The following PRH1 variants were observed in gnomAD, a reference collection of about 807,000 sequenced individuals.
The protein encoded by PRH1 is salivary acidic proline-rich phosphoprotein 1/2.
In PRH1, 7 loss-of-function variants were observed where a neutral mutation model predicts 7.9. That is an observed-to-expected ratio of 0.89 (90% confidence interval 0.50 to 1.67). The LOEUF is 1.67. PRH1 is among the 40% of genes most tolerant of loss of function. The probability of loss-of-function intolerance (pLI) is 0.00; values close to 1 mark genes in which losing one functional copy is unlikely to be tolerated. For missense variants in PRH1, 109 were observed against 223.6 expected (o/e 0.49, Z 3.27); for synonymous variants, 45 against 80.8 (o/e 0.56, Z 2.38).
intron 2 of PRH1, among the ~76,000 whole-genome samples, chr12:10,939,551 G>GTTTTTTTTTT (rs60186756): frequency 1.1e-4 from 13 of 123,312 alleles, no homozygotes; most frequent in African/African-American, 1.5e-4. Context: ...TGGTTTGTGT[G>GTTTTTTTTTT]TTTTTTTTTT....
At chr12:11,134,381 T>C in intron 1 of PRH1, 1 of 1,092,906 alleles carries the variant, frequency 9.1e-7, no homozygotes, top group Non-Finnish European at 1.3e-6. Flanking sequence ...TTTTAATTGC[T>C]GTGACCAGTG....
At chr12:11,037,337 C>T (rs569488401) in intron 1 of PRH1, among the ~76,000 whole-genome samples, 1 of 152,196 alleles carries the variant, frequency 6.6e-6, no homozygotes, top group Non-Finnish European at 1.5e-5. Flanking sequence ...CACAAACATA[C>T]TCAAAGATCA....
In PRH1 at chr12:10,884,242, C is replaced by T. The variant is rs1949455805; in HGVS notation, c.-25G>A. On this transcript the variant is annotated 5_prime_UTR_variant, in exon 1 of 4. Coordinates refer to ENST00000543626, the MANE Select transcript of PRH1 (RefSeq NM_001393989.1). Reference sequence around the variant, plus strand: ...TCTTGCAGGAGGCTCTGGTGTCACTCCCAACTTTGTGCTGGGAGAAACGTG... The same window carrying T: ...TCTTGCAGGAGGCTCTGGTGTCACTTCCAACTTTGTGCTGGGAGAAACGTG... The T allele has an allele frequency of 6.2e-7, 1 of 1,614,150 alleles. No homozygotes were observed. The highest frequency in any genetic ancestry group is 1.1e-5 in the South Asian group (1 of 91,082).
intron 2 of PRH1, among the ~76,000 whole-genome samples, chr12:10,963,166 A>C (rs189232173): frequency 6.6e-6 from 1 of 152,356 alleles, no homozygotes; most frequent in East Asian, 1.9e-4. Flanking sequence ...AGGTTTAGAT[A>C]ACATTGTTAA....
At chr12:11,021,510 T>G in intron 1 of PRH1, 1 of 410,370 alleles carries the variant, frequency 2.4e-6, no homozygotes, top group South Asian at 2.6e-5. Flanking sequence ...AATATATATA[T>G]GACTTTTCTA....
At chr12:10,996,826 T>A in intron 1 of PRH1, 1 of 877,906 alleles carries the variant, frequency 1.1e-6, no homozygotes, top group Non-Finnish European at 1.6e-6. Flanking sequence ...CTTTTCTATG[T>A]CAACTTTTGG....
chr12:11,088,106 CG>C (rs1944768005), intron 1 of PRH1, among the ~76,000 whole-genome samples: 1 of 132,048 alleles, frequency 7.6e-6, no homozygotes, highest in South Asian at 2.2e-4. Flanking sequence ...TTTAGGAGGC[CG>C]ACACGGGAAG....
At chr12:11,023,732 G>A (rs1591831247) in intron 1 of PRH1, among the ~76,000 whole-genome samples, 1 of 152,218 alleles carries the variant, frequency 6.6e-6, no homozygotes, top group East Asian at 1.9e-4. Context: ...AATGGAGTCA[G>A]AATGCCACTG....
chr12:11,062,151 G>T, intron 1 of PRH1: 1 of 1,613,634 alleles, frequency 6.2e-7, no homozygotes, highest in Middle Eastern at 1.7e-4. Context: ...CCAGAGCAGT[G>T]AGAATTTGGT....
intron 1 of PRH1, among the ~76,000 whole-genome samples, chr12:11,126,832 A>G (rs762147762): frequency 6.6e-6 from 1 of 152,242 alleles, no homozygotes; most frequent in Non-Finnish European, 1.5e-5. Context: ...CATTAAAAGG[A>G]CTCAAAGAAA....
chr12:10,890,630 T>C (rs1310085489), intron 2 of PRH1, among the ~76,000 whole-genome samples: 3 of 152,000 alleles, frequency 2.0e-5, no homozygotes, highest in Admixed American at 2.0e-4. Flanking sequence ...TATCAGTACT[T>C]GGAGAGGCAG....
intron 1 of PRH1, among the ~76,000 whole-genome samples, chr12:11,039,388 C>T (rs1278349519): frequency 6.6e-6 from 1 of 152,186 alleles, no homozygotes; most frequent in Non-Finnish European, 1.5e-5. Flanking sequence ...TGATAATTTC[C>T]AAAACAGCTC....
intron 1 of PRH1, among the ~76,000 whole-genome samples, chr12:11,142,384 C>T (rs1343275122): frequency 6.6e-6 from 1 of 152,026 alleles, no homozygotes; most frequent in African/African-American, 2.4e-5. Context: ...GACAAGATCA[C>T]AAAAAGAAAT....
At chr12:10,996,714 T>C (rs759849577) in intron 1 of PRH1, 77 of 327,650 alleles carry the variant, frequency 2.4e-4, no homozygotes, top group Non-Finnish European at 3.8e-4. Flanking sequence ...ATTAAAGGTA[T>C]GTTATGGTAA....
At chr12:10,889,271 G>A (rs748031616) in intron 2 of PRH1, among the ~76,000 whole-genome samples, 8 of 152,016 alleles carry the variant, frequency 5.3e-5, no homozygotes, top group Non-Finnish European at 7.4e-5. Flanking sequence ...CATTAATGAA[G>A]GATATTTTTA....
At chr12:10,930,999 C>T (rs1950202052) in intron 2 of PRH1, 1 of 1,595,028 alleles carries the variant, frequency 6.3e-7, no homozygotes, top group African/African-American at 1.3e-5. Context: ...CTGGAAAGCC[C>T]CAGGGACCAC....
intron 1 of PRH1, among the ~76,000 whole-genome samples, chr12:11,112,734 T>C (rs565358547): frequency 1.3e-5 from 2 of 151,974 alleles, no homozygotes; most frequent in South Asian, 2.1e-4. Context: ...CCTTTGAAAA[T>C]CGGCACAAAA....
At chr12:10,991,156 T>C (rs1939912769) in intron 1 of PRH1, among the ~76,000 whole-genome samples, 1 of 152,166 alleles carries the variant, frequency 6.6e-6, no homozygotes, top group Non-Finnish European at 1.5e-5. Context: ...TGAACTTACC[T>C]AAGAAGTGGG....
chr12:11,071,472 C>G (rs1224268698), intron 1 of PRH1, among the ~76,000 whole-genome samples: 2 of 152,194 alleles, frequency 1.3e-5, no homozygotes, highest in South Asian at 2.1e-4. Flanking sequence ...TTTGCCAGAG[C>G]CAGAGCACTT....
Sources: gnomAD v4.1 joint callset for allele counts (sites outside exome capture counted in the v4.1 genomes callset) on GRCh38, gnomAD v4.1.1 for gene constraint, MANE v1.5 for transcripts, NCBI Gene and HGNC (gene_info 2026-07-23, HGNC 2026-07-21) for gene names.